The following CDK5RAP2 variants were observed in gnomAD, a reference collection of about 807,000 sequenced individuals.
The protein encoded by CDK5RAP2 is CDK5 regulatory subunit-associated protein 2.
A neutral mutation model predicts 232.9 loss-of-function variants in CDK5RAP2; 147 were observed. That is an observed-to-expected ratio of 0.63 (90% CI 0.55 to 0.72). The LOEUF (loss-of-function observed/expected upper bound fraction) is 0.72. Among genes scored for constraint, CDK5RAP2 ranks in the 30% least tolerant of loss-of-function variants. CDK5RAP2 has a pLI of 0.00. For synonymous variants in CDK5RAP2, 833 were observed against 833.7 expected (o/e 1.00, Z 0.01); for missense variants, 2,195 against 2,231.5 (o/e 0.98, Z 0.33).
intron 35 of CDK5RAP2, among the ~76,000 whole-genome samples, chr9:120,397,802 C>T (rs763601235): frequency 2.6e-5 from 4 of 152,156 alleles, no homozygotes; most frequent in Non-Finnish European, 4.4e-5. Flanking sequence ...TAGAGGGCTA[C>T]AAAAACAGAC....
At chr9:120,400,679 A>G in intron 35 of CDK5RAP2, 63 bp downstream of exon 35, 1 of 1,602,638 alleles carries the variant, frequency 6.2e-7, no homozygotes, top group South Asian at 1.1e-5. Context: ...CTTGGCATGG[A>G]GGAAACTGAG....
At position 120,550,808 on chromosome 9, in the gene CDK5RAP2, T is replaced by G. The variant is rs762932676; in HGVS notation, c.290A>C (p.Glu97Ala). The G allele has an allele frequency of 6.2e-7, 1 of 1,603,568 alleles. No individual in the cohort carries two copies. Among genetic ancestry groups the G allele is most frequent in the East Asian group, 2.2e-5 (1 of 44,808 alleles). ...GCCACTCACAGTTTTGTAGATATGT[T>G]CAGTGGGGCCATGAAATTCCTGTTG... ...RMQQEFHGPT[E>A]HIYKTNIELK... Residue 97 changes from glutamate to alanine, a missense_variant, in exon 4 of 38, where the codon GAA becomes GCA. By Grantham distance (107) the Glu-to-Ala change is moderately radical. Transcript: ENST00000349780.
In CDK5RAP2 at chr9:120,501,302, ATCT is replaced by A. The variant is rs536198536; in HGVS notation, c.1312-9828_1312-9826del. On this transcript the variant is annotated intron_variant, in intron 12 of 37. Transcript: ENST00000349780. Reference sequence around the variant, plus strand: ...TTCTTCAAGTGTGTGCTCAGCCATCATCTTCTCAGACCAGTCTTCCCTGACCAT... The same window carrying A: ...TTCTTCAAGTGTGTGCTCAGCCATCATCTCAGACCAGTCTTCCCTGACCAT... 8.5e-5 allele frequency among the ~76,000 whole-genome samples: 13 copies of A among 152,318 alleles called. No homozygotes were observed. The South Asian group carries it at 2.7e-3, about 32-fold the overall frequency.
intron 17 of CDK5RAP2, among the ~76,000 whole-genome samples, chr9:120,468,252 C>T (rs574213406): frequency 2.0e-5 from 3 of 152,312 alleles, no homozygotes; most frequent in Non-Finnish European, 4.4e-5. Flanking sequence ...AGTCTAAGCC[C>T]CAGTTTCCTC....
intron 23 of CDK5RAP2, among the ~76,000 whole-genome samples, chr9:120,441,395 T>C (rs1457858985): frequency 6.6e-6 from 1 of 152,178 alleles, no homozygotes; most frequent in Non-Finnish European, 1.5e-5. Context: ...TGTTTGTTTT[T>C]AGGGATTATA....
At chr9:120,555,830 T>G (rs1302972465) in intron 3 of CDK5RAP2, among the ~76,000 whole-genome samples, 1 of 152,204 alleles carries the variant, frequency 6.6e-6, no homozygotes, top group African/African-American at 2.4e-5. Flanking sequence ...GGTGAATGGA[T>G]AAACAGTAGA....
Position 120,407,161 on chromosome 9 carries a change from A to G in CDK5RAP2, c.4814T>C (p.Leu1605Pro). 6.2e-7 allele frequency: 1 copy of G among 1,613,974 alleles called. No homozygotes were observed. The highest frequency in any genetic ancestry group is 1.1e-5 in the South Asian group (1 of 91,072). ...GCTGCTGGTTTCGATGCTCCTTTCT[A>G]GTTGCAAGCGCAGAGCCTGGATCTC... ...LMEIQALRLQ[L>P]ERSIETSSTL... Residue 1605 changes from leucine to proline, a missense_variant, in exon 32 of 38, where the codon CTA (leucine) becomes CCA (proline). Leu to Pro is a moderately conservative substitution (Grantham distance 98, BLOSUM62 -3). Transcript: ENST00000349780.
chr9:120,485,352 T>C (rs2038543421), intron 14 of CDK5RAP2, among the ~76,000 whole-genome samples: 1 of 150,038 alleles, frequency 6.7e-6, no homozygotes, highest in African/African-American at 2.5e-5. Flanking sequence ...TGGAGTGCAG[T>C]GGCACGATCT....
chr9:120,515,872 G>A (rs970727006), intron 12 of CDK5RAP2, among the ~76,000 whole-genome samples: 2 of 152,222 alleles, frequency 1.3e-5, no homozygotes, highest in African/African-American at 4.8e-5. Context: ...GGAAACAACA[G>A]GTGCTGGAGA....
chr9:120,435,637 G>T (rs996477192), intron 25 of CDK5RAP2, among the ~76,000 whole-genome samples: 1 of 152,066 alleles, frequency 6.6e-6, no homozygotes, highest in East Asian at 1.9e-4. Flanking sequence ...CAGGGCAGAA[G>T]CAGTACAGGA....
chr9:120,421,716 G>T (rs1448687789), intron 26 of CDK5RAP2, among the ~76,000 whole-genome samples: 2 of 152,222 alleles, frequency 1.3e-5, no homozygotes, highest in Non-Finnish European at 2.9e-5. Flanking sequence ...TACAATTCAT[G>T]TATTCCATGA....
chr9:120,418,674 CAA>C (rs1475237101), intron 27 of CDK5RAP2, among the ~76,000 whole-genome samples: 1 of 152,166 alleles, frequency 6.6e-6, no homozygotes, highest in Non-Finnish European at 1.5e-5. Flanking sequence ...ACAAAAACTG[CAA>C]AGAGATACAG....
At chr9:120,395,814 A>G (rs962875808) in intron 35 of CDK5RAP2, among the ~76,000 whole-genome samples, 1 of 152,276 alleles carries the variant, frequency 6.6e-6, no homozygotes, top group African/African-American at 2.4e-5. Context: ...AAGACTTGAT[A>G]AAAGCAAGTC....
rs187840556 is a variant in CDK5RAP2 at position 120,486,047 on chromosome 9, T to C, written c.1626+1247A>G. ...CAGATACACAGCACAGTGGCTAGCATTGGTTGCTAATATACTGAAATACTT... is the reference window on the plus strand; with the variant it reads ...CAGATACACAGCACAGTGGCTAGCACTGGTTGCTAATATACTGAAATACTT... On this transcript the variant is annotated intron_variant, in intron 14 of 37. Transcript: ENST00000349780. Among the ~76,000 whole-genome samples, 19 of 152,318 alleles carry C rather than the reference T, an allele frequency of 1.2e-4. No individual in the cohort carries two copies. In the East Asian group the frequency reaches 1.7e-3, roughly 14 times the overall value.
At chr9:120,399,985 T>C (rs2131252396) in intron 35 of CDK5RAP2, among the ~76,000 whole-genome samples, 1 of 152,270 alleles carries the variant, frequency 6.6e-6, no homozygotes, top group East Asian at 1.9e-4. Flanking sequence ...TGACAAAAAA[T>C]GTAAATTTCC....
chr9:120,467,370 G>GT (rs2037439821), intron 18 of CDK5RAP2, among the ~76,000 whole-genome samples: 2 of 152,300 alleles, frequency 1.3e-5, no homozygotes, highest in East Asian at 3.9e-4. Context: ...CTGGACCAGA[G>GT]TCAAAGCATC....
At chr9:120,450,532 G>GT (rs987699868) in intron 21 of CDK5RAP2, among the ~76,000 whole-genome samples, 5 of 151,958 alleles carry the variant, frequency 3.3e-5, no homozygotes, top group African/African-American at 9.7e-5. Flanking sequence ...ATAAGGCTGT[G>GT]TTTTTTTTAA....
At chr9:120,577,279 T>C (rs1374027078) in intron 1 of CDK5RAP2, among the ~76,000 whole-genome samples, 1 of 151,448 alleles carries the variant, frequency 6.6e-6, no homozygotes, top group Admixed American at 6.6e-5. Context: ...GAGAATTGCT[T>C]GAACTCTGGA....
At chr9:120,477,512 T>C in intron 14 of CDK5RAP2, 62 bp from the exon 15 acceptor site, 1 of 1,238,950 alleles carries the variant, frequency 8.1e-7, no homozygotes. Context: ...CATCCTTATA[T>C]TATGCAAACA....
Sources: allele counts gnomAD v4.1 joint callset (sites outside exome capture counted in the v4.1 genomes callset), GRCh38; gene constraint gnomAD v4.1.1; transcripts MANE v1.5; gene names NCBI Gene and HGNC (gene_info 2026-07-23, HGNC 2026-07-21).